The following CFAP57 variants were observed in gnomAD, a reference collection of about 807,000 sequenced individuals.
CFAP57 encodes the protein cilia- and flagella-associated protein 57.
A neutral mutation model predicts 146.8 loss-of-function variants in CFAP57; 116 were observed. That is an observed-to-expected ratio of 0.79 (90% confidence interval 0.68 to 0.92). CFAP57 has a LOEUF of 0.92. CFAP57 is among the 40% of genes least tolerant of loss of function. The pLI is 0.00. For synonymous variants in CFAP57, 518 were observed against 552.8 expected (o/e 0.94, Z 0.88); for missense variants, 1,377 against 1,527.2 (o/e 0.90, Z 1.64).
At chr1:43,234,754 C>T in intron 21 of CFAP57, 116 bp downstream of exon 21, 1 of 1,273,036 alleles carries the variant, frequency 7.9e-7, no homozygotes, top group Non-Finnish European at 1.1e-6. Flanking sequence ...TCTGGGGGCC[C>T]AGTAGCTCCC....
rs142957704 is a variant in CFAP57, at chr1:43,222,344, C to A, written c.2532+49C>A. On this transcript the variant is annotated intron_variant, in intron 15 of 22. Transcript: ENST00000372492. ...GCCTCCCTTTCACAGAGAAAAGCCACCCATTCACTCAGATCTCCATGGCAT... is the reference window on the plus strand; with the variant it reads ...GCCTCCCTTTCACAGAGAAAAGCCAACCATTCACTCAGATCTCCATGGCAT... 401 of 1,379,228 alleles carry A rather than the reference C, an allele frequency of 2.9e-4. 3 individuals carry two copies. The East Asian group carries it at 0.011, about 37-fold the overall frequency. 85.4% of individuals were successfully genotyped at this position (1,379,228 alleles called of 1,614,324 possible).
chr1:43,202,049 G>A (rs1644148327), intron 9 of CFAP57, among the ~76,000 whole-genome samples: 1 of 152,182 alleles, frequency 6.6e-6, no homozygotes, highest in African/African-American at 2.4e-5. Flanking sequence ...CAGGAAAACA[G>A]CCATTTGTTT....
Position 43,227,046 on chromosome 1 carries a change from G to A in CFAP57, c.2929G>A (p.Asp977Asn), listed in dbSNP as rs1213276910. Residue 977 changes from aspartate (D) to asparagine (N), a missense_variant, in exon 18 of 23, where the codon GAC becomes AAC. By Grantham distance (23) the Asp-to-Asn change is conservative. Transcript: ENST00000372492. ...QELGKFKFVL[D>N]YKIKELKKQI... is the part of the protein sequence containing the mutation. ...ACTAGGGAAATTCAAGTTTGTGCTT[G>A]ACTACAAAATAAAGGAGCTGAAGAA... 6.5e-7 allele frequency: 1 copy of A among 1,541,796 alleles called. No individual in the cohort carries two copies. The highest frequency in any genetic ancestry group is 8.7e-7 in the Non-Finnish European group (1 of 1,143,514).
chr1:43,206,871 A>G lies in CFAP57; in HGVS notation c.1694A>G (p.Asp565Gly), dbSNP rs766460298. 1 of 1,614,180 alleles carries G rather than the reference A, an allele frequency of 6.2e-7. No individual in the cohort carries two copies. Among genetic ancestry groups the G allele is most frequent in the Non-Finnish European group, 8.5e-7 (1 of 1,180,026 alleles). Reference sequence around the variant, plus strand: ...TACAACTGTGTTACTGTCTCCCCCGATGCCAAAATTATCTTTGCTGTTGGA... The same window carrying G: ...TACAACTGTGTTACTGTCTCCCCCGGTGCCAAAATTATCTTTGCTGTTGGA... ...CSYNCVTVSP[D>G]AKIIFAVGSD... is the part of the protein sequence containing the mutation. The change falls in exon 10 of 23, where the codon GAT becomes GGT. Residue 565 changes from aspartate to glycine, a missense_variant. By Grantham distance (94) the Asp-to-Gly change is moderately conservative. Coordinates refer to ENST00000372492, the MANE Select transcript of CFAP57 (RefSeq NM_001378189.1).
Position 43,181,803 on chromosome 1 carries a change from G to T in CFAP57, c.427G>T (p.Val143Leu), listed in dbSNP as rs939647871. The T allele has an allele frequency of 5.0e-6, 8 of 1,614,074 alleles. No individual in the cohort carries two copies. The African/African-American group carries it at 1.1e-4, about 22-fold the overall frequency. ...CTACTGGCTGTGGGAAAAACAGAAAGTAATGGCCATTGTTAGAATCGACAC... is the reference window on the plus strand; with the variant it reads ...CTACTGGCTGTGGGAAAAACAGAAATTAATGGCCATTGTTAGAATCGACAC... ...LVYWLWEKQK[V>L]MAIVRIDTQN... Residue 143 changes from valine (V) to leucine (L), a missense_variant, in exon 3 of 23, where the codon GTA (valine) becomes TTA (leucine). Val to Leu is a conservative substitution (Grantham distance 32). Transcript: ENST00000372492.
Position 43,198,603 on chromosome 1 carries a change from A to G in CFAP57, c.1385A>G (p.Asp462Gly), listed in dbSNP as rs1346726470. 1 of 1,613,980 alleles carries G rather than the reference A, an allele frequency of 6.2e-7. No homozygotes were observed. The highest frequency in any genetic ancestry group is 2.2e-5 in the East Asian group (1 of 44,880). ...KLRLMNLLID[D>G]IRSFKEYSVR... ...CGCCTCATGAATCTACTCATTGATG[A>G]TATACGTTCTTTCAAAGAATACTCT... The change falls in exon 8 of 23, where the codon GAT becomes GGT. Residue 462 changes from aspartate (D) to glycine (G), a missense_variant. Asp to Gly is a moderately conservative substitution (Grantham distance 94). Transcript: ENST00000372492.
In CFAP57 at chr1:43,219,458, A is replaced by G. The variant is rs1450764712; in HGVS notation, c.2168A>G (p.Asp723Gly). 1 of 1,550,520 alleles carries G rather than the reference A, an allele frequency of 6.4e-7. No individual in the cohort carries two copies. The highest frequency in any genetic ancestry group is 2.0e-5 in the Admixed American group (1 of 50,986). Residue 723 changes from aspartate (D) to glycine (G), a missense_variant, in exon 13 of 23, where the codon GAC becomes GGC. Transcript: ENST00000372492. ...MENEYQLRLK[D>G]MNYSEKIKEL... ...AATGAGTATCAACTCCGACTAAAGG[A>G]CATGAACTATTCTGAGAAGATTAAG...
intron 17 of CFAP57, 59 bp from the exon 18 acceptor site, chr1:43,226,924 G>A: frequency 1.3e-5 from 19 of 1,436,510 alleles, no homozygotes; most frequent in Non-Finnish European, 1.7e-5. Flanking sequence ...TTGCCCTAAA[G>A]GGCTGCAGTA....
At chr1:43,185,524 G>A (rs990491809) in intron 5 of CFAP57, among the ~76,000 whole-genome samples, 168 bp downstream of exon 5, 2 of 151,946 alleles carry the variant, frequency 1.3e-5, no homozygotes, top group Non-Finnish European at 2.9e-5. Context: ...ATTTTAGGAT[G>A]AGGTGAACAG....
At chr1:43,186,911 G>A in intron 6 of CFAP57, 52 bp downstream of exon 6, 1 of 1,610,554 alleles carries the variant, frequency 6.2e-7, no homozygotes, top group Non-Finnish European at 8.5e-7. Flanking sequence ...CTGCCTGCTG[G>A]GGGACTAGTC....
intron 6 of CFAP57, among the ~76,000 whole-genome samples, chr1:43,188,576 G>A (rs659458): frequency 0.024 from 3,596 of 152,174 alleles, 95 homozygotes; most frequent in African/African-American, 0.065. Context: ...TTGAAGAAAT[G>A]TCTATTCAGA....
intron 6 of CFAP57, among the ~76,000 whole-genome samples, chr1:43,196,791 C>T (rs1025403561): frequency 6.6e-6 from 1 of 152,140 alleles, no homozygotes; most frequent in African/African-American, 2.4e-5. Context: ...GCAGTCTCTC[C>T]AGAGAGAAAC....
intron 11 of CFAP57, among the ~76,000 whole-genome samples, chr1:43,213,395 C>A (rs189967341): frequency 3.1e-4 from 47 of 152,170 alleles, no homozygotes; most frequent in Middle Eastern, 3.4e-3. Flanking sequence ...TTTTTTACGG[C>A]CAAATAGTAT....
intron 2 of CFAP57, 117 bp downstream of exon 2, chr1:43,173,027 T>C: frequency 5.7e-6 from 5 of 877,060 alleles, no homozygotes; most frequent in Non-Finnish European, 9.3e-6. Flanking sequence ...ATATGCAGTA[T>C]TATAAATGTA....
rs562594283 is a variant in CFAP57, at chr1:43,245,663, G to A, written c.3538+2304G>A. On this transcript the variant is annotated intron_variant, in intron 22 of 22. Coordinates refer to ENST00000372492, the MANE Select transcript of CFAP57 (RefSeq NM_001378189.1). ...AGCAGATATCTCTGGAGGTGGAAGT[G>A]AAGGTAGGGCTGAAAACAGAAAAAA... Among the ~76,000 whole-genome samples, 11 of 152,278 alleles carry A rather than the reference G, an allele frequency of 7.2e-5. No individual in the cohort carries two copies. The South Asian group carries it at 2.3e-3, about 32-fold the overall frequency.
At position 43,227,024 on chromosome 1, in the gene CFAP57, A is replaced by G. The variant is rs760304462; in HGVS notation, c.2907A>G (p.Leu969=). The change falls in exon 18 of 23, where the codon CTA becomes CTG. Residue 969 remains leucine (L), a synonymous_variant. Coordinates refer to ENST00000372492, the MANE Select transcript of CFAP57 (RefSeq NM_001378189.1). ...ATCTGAAAAAGAAAAATCAAGAACTAGGGAAATTCAAGTTTGTGCTTGACT... is the reference window on the plus strand; with the variant it reads ...ATCTGAAAAAGAAAAATCAAGAACTGGGGAAATTCAAGTTTGTGCTTGACT... ...IYDLKKKNQE[L]GKFKFVLDYK... The G allele has an allele frequency of 1.0e-4, 157 of 1,532,512 alleles. 1 individual carries two copies. Among genetic ancestry groups the G allele is most frequent in the Non-Finnish European group, 9.4e-5 (107 of 1,140,886 alleles). The allele number at this position is 1,532,512 out of a possible 1,614,324, so 94.9% of individuals were successfully genotyped here. A position where few individuals can be genotyped will look rare whatever the true frequency, so the allele number is the denominator to read the frequency against.
chr1:43,199,879 T>G (rs567836838), intron 9 of CFAP57, among the ~76,000 whole-genome samples: 1 of 152,154 alleles, frequency 6.6e-6, no homozygotes, highest in South Asian at 2.1e-4. Context: ...AACGTGAAAG[T>G]CTGTGGGCCT....
chr1:43,222,742 C>T, intron 15 of CFAP57, 82 bp from the exon 16 acceptor site: 1 of 1,422,566 alleles, frequency 7.0e-7, no homozygotes, highest in Non-Finnish European at 9.3e-7. Context: ...GGTCCCCATG[C>T]TCATCTCACC....
intron 21 of CFAP57, among the ~76,000 whole-genome samples, chr1:43,239,944 C>A (rs1291205914): frequency 1.3e-5 from 2 of 152,320 alleles, no homozygotes; most frequent in African/African-American, 4.8e-5. Flanking sequence ...ATCCATTTCA[C>A]AAATATTTAA....
Sources: allele counts gnomAD v4.1 joint callset (sites outside exome capture counted in the v4.1 genomes callset), GRCh38; gene constraint gnomAD v4.1.1; transcripts MANE v1.5; gene names NCBI Gene and HGNC (gene_info 2026-07-23, HGNC 2026-07-21).